The following TDRD3 variants were observed in gnomAD, a reference collection of about 807,000 sequenced individuals.
TDRD3 encodes the protein tudor domain-containing protein 3.
A neutral mutation model predicts 86.7 loss-of-function variants in TDRD3; 45 were observed. That is an observed-to-expected ratio of 0.52 (90% CI 0.41 to 0.67). TDRD3 has a LOEUF of 0.67. TDRD3 is among the 30% of genes least tolerant of loss of function. TDRD3 has a pLI of 0.00. For missense variants in TDRD3, 814 were observed against 889.0 expected, an observed-to-expected ratio of 0.92 and a Z score of 1.07; for synonymous variants, 298 against 301.7, an observed-to-expected ratio of 0.99 and a Z score of 0.13.
At chr13:60,410,405 T>C (rs969331694) in intron 1 of TDRD3, among the ~76,000 whole-genome samples, 2 of 152,218 alleles carry the variant, frequency 1.3e-5, no homozygotes, top group African/African-American at 4.8e-5. Context: ...ACTCTTGTTA[T>C]CTTGCAATTA....
intron 1 of TDRD3, among the ~76,000 whole-genome samples, chr13:60,428,110 C>T (rs1019409451): frequency 1.3e-5 from 2 of 151,872 alleles, no homozygotes; most frequent in Admixed American, 1.3e-4. Context: ...TTTCTGCCTC[C>T]AGCTTCATAT....
At chr13:60,513,084 G>A (rs1315708912) in intron 10 of TDRD3, among the ~76,000 whole-genome samples, 1 of 152,234 alleles carries the variant, frequency 6.6e-6, no homozygotes, top group East Asian at 1.9e-4. Context: ...AAATCTGGGT[G>A]GAGGTTCCCA....
intron 1 of TDRD3, among the ~76,000 whole-genome samples, chr13:60,420,442 A>T (rs1954627466): frequency 6.6e-6 from 1 of 151,432 alleles, no homozygotes; most frequent in African/African-American, 2.4e-5. Flanking sequence ...TGCCTACTTC[A>T]AGTTTGTGAA....
chr13:60,560,088 C>G (rs544934848), intron 12 of TDRD3, among the ~76,000 whole-genome samples: 4 of 152,112 alleles, frequency 2.6e-5, no homozygotes, highest in South Asian at 4.2e-4. Flanking sequence ...GAAAAAAGTT[C>G]CTGATAGAAA....
chr13:60,464,812 G>A (rs1424041314), intron 4 of TDRD3, among the ~76,000 whole-genome samples: 2 of 152,110 alleles, frequency 1.3e-5, no homozygotes, highest in African/African-American at 4.8e-5. Context: ...TGAGTGATAA[G>A]GAGGGGTTGG....
At chr13:60,499,458 T>C (rs1956787035) in intron 8 of TDRD3, among the ~76,000 whole-genome samples, 1 of 152,258 alleles carries the variant, frequency 6.6e-6, no homozygotes, top group South Asian at 2.1e-4. Flanking sequence ...GCCAGAAATA[T>C]ACCTTTACTG....
intron 4 of TDRD3, among the ~76,000 whole-genome samples, chr13:60,462,695 A>C (rs995491986): frequency 1.3e-5 from 2 of 152,064 alleles, no homozygotes; most frequent in Non-Finnish European, 2.9e-5. Flanking sequence ...TATTATTACA[A>C]TGAAGTGAGA....
intron 1 of TDRD3, among the ~76,000 whole-genome samples, chr13:60,430,414 C>T (rs1238621741): frequency 1.3e-5 from 2 of 152,094 alleles, no homozygotes; most frequent in Non-Finnish European, 2.9e-5. Context: ...TTTATAGCCA[C>T]TACCTTTTTG....
chr13:60,425,769 C>T (rs1195395773), intron 1 of TDRD3, among the ~76,000 whole-genome samples: 2 of 152,026 alleles, frequency 1.3e-5, no homozygotes, highest in Non-Finnish European at 2.9e-5. Flanking sequence ...TCTTCTTCCT[C>T]CTCCTCAGCC....
chr13:60,512,005 A>G (rs534957654), intron 10 of TDRD3, among the ~76,000 whole-genome samples: 82 of 151,752 alleles, frequency 5.4e-4, no homozygotes, highest in African/African-American at 1.9e-3. Flanking sequence ...GTCCCCTTAC[A>G]TTTGCTTTTG....
At chr13:60,496,553 G>C (rs1049056346) in intron 8 of TDRD3, among the ~76,000 whole-genome samples, 1 of 151,668 alleles carries the variant, frequency 6.6e-6, no homozygotes, top group Non-Finnish European at 1.5e-5. Context: ...GAACTTTTTA[G>C]AGAGTTATGC....
chr13:60,529,080 T>C lies in TDRD3; in HGVS notation c.1855T>C (p.Phe619Leu). ...VTAVPCDDKI[F>L]YNSGPKRRSG... ...AGCTGTACCCTGTGATGATAAAATA[T>C]TTTACAATAGTGGGCCCAAACGAAG... Residue 619 changes from phenylalanine (F) to leucine (L), a missense_variant, in exon 11 of 14, where the codon TTT becomes CTT. Transcript: ENST00000377881. 1 of 1,613,994 alleles carries C rather than the reference T, an allele frequency of 6.2e-7. No homozygotes were observed. Among genetic ancestry groups the C allele is most frequent in the East Asian group, 2.2e-5 (1 of 44,852 alleles).
chr13:60,552,718 G>A (rs901193910), intron 12 of TDRD3, among the ~76,000 whole-genome samples: 18 of 152,182 alleles, frequency 1.2e-4, no homozygotes, highest in Admixed American at 2.0e-4. Flanking sequence ...AGGCTTTCCC[G>A]TACATCCTCT....
At chr13:60,433,575 C>G (rs1955007545) in intron 1 of TDRD3, among the ~76,000 whole-genome samples, 1 of 152,216 alleles carries the variant, frequency 6.6e-6, no homozygotes, top group Admixed American at 6.5e-5. Context: ...CGGCACAACA[C>G]TGTATGTCAG....
chr13:60,573,595 C>T (rs1331898467), intron 13 of TDRD3, 21 bp from the exon 14 acceptor site: 5 of 985,076 alleles, frequency 5.1e-6, no homozygotes, highest in Non-Finnish European at 6.0e-6. Flanking sequence ...ATTTCATTTT[C>T]TTCATTTCTT....
intron 4 of TDRD3, among the ~76,000 whole-genome samples, chr13:60,462,798 T>C (rs1955829263): frequency 6.6e-6 from 1 of 152,100 alleles, no homozygotes; most frequent in African/African-American, 2.4e-5. Flanking sequence ...TAGTAAAAAT[T>C]GTATTAAAAT....
At chr13:60,553,554 A>T (rs1048804867) in intron 12 of TDRD3, among the ~76,000 whole-genome samples, 5 of 130,328 alleles carry the variant, frequency 3.8e-5, no homozygotes, top group South Asian at 2.3e-4. Context: ...TTTTTTAAAT[A>T]AAAAAAAAAA....
At chr13:60,518,533 G>A (rs534737369) in intron 10 of TDRD3, among the ~76,000 whole-genome samples, 2 of 152,226 alleles carry the variant, frequency 1.3e-5, no homozygotes, top group East Asian at 3.9e-4. Flanking sequence ...AAAAAAACTG[G>A]TGAGTGAAAA....
intron 2 of TDRD3, 64 bp downstream of exon 2, chr13:60,439,836 C>A: frequency 2.5e-6 from 3 of 1,194,990 alleles, no homozygotes; most frequent in South Asian, 3.3e-5. Flanking sequence ...AAAAAAGTCT[C>A]AGAGTAAATT....
Sources: gnomAD v4.1 joint callset for allele counts (sites outside exome capture counted in the v4.1 genomes callset) on GRCh38, gnomAD v4.1.1 for gene constraint, MANE v1.5 for transcripts, NCBI Gene and HGNC (gene_info 2026-07-23, HGNC 2026-07-21) for gene names.